Variants in RAPGEF4 observed in about 807,000 individuals in gnomAD.
RAPGEF4 encodes the protein Rap guanine nucleotide exchange factor 4.
Under a neutral mutation model 147.9 loss-of-function variants are expected in RAPGEF4, and 66 were observed. The ratio of observed to expected loss-of-function variants is 0.45; its 90% CI spans 0.37 to 0.55. The LOEUF is 0.55. RAPGEF4 is among the 20% of genes least tolerant of loss of function. RAPGEF4 has a pLI of 0.00. For missense variants in RAPGEF4, 1,071 were observed against 1,257.3 expected, an observed-to-expected ratio of 0.85 and a Z score of 2.24; for synonymous variants, 419 against 442.7, an observed-to-expected ratio of 0.95 and a Z score of 0.67.
intron 4 of RAPGEF4, among the ~76,000 whole-genome samples, chr2:172,876,841 T>A (rs1178547178): frequency 6.6e-6 from 1 of 152,228 alleles, no homozygotes; most frequent in Non-Finnish European, 1.5e-5. Context: ...CTCCTCCTTG[T>A]ATGGTAGAAT....
At chr2:172,959,108 T>C (rs1213188763) in intron 6 of RAPGEF4, among the ~76,000 whole-genome samples, 1 of 152,216 alleles carries the variant, frequency 6.6e-6, no homozygotes, top group African/African-American at 2.4e-5. Flanking sequence ...TTTCCATGAC[T>C]GCTATAACAA....
At chr2:173,002,621 C>T (rs201345457) in intron 17 of RAPGEF4, among the ~76,000 whole-genome samples, 10 of 138,924 alleles carry the variant, frequency 7.2e-5, no homozygotes, top group South Asian at 2.3e-4. Flanking sequence ...TTTATTCTTT[C>T]TTTTTTTTTT....
chr2:173,031,855 C>A (rs1486689638), intron 26 of RAPGEF4, among the ~76,000 whole-genome samples: 2 of 152,166 alleles, frequency 1.3e-5, no homozygotes, highest in Middle Eastern at 3.4e-3. Context: ...TTATATAATT[C>A]TGTATGGGAG....
Position 172,964,401 on chromosome 2 carries a change from AT to A in RAPGEF4, c.699-1138del, listed in dbSNP as rs11374637. ...TTAGAGGCCATCATTTGCTCCTCCTATTTTTTTTTTTTTTTTTTTTTTTACG... is the reference window on the plus strand; with the variant it reads ...TTAGAGGCCATCATTTGCTCCTCCTATTTTTTTTTTTTTTTTTTTTTTACG... On this transcript the variant is annotated intron_variant, in intron 8 of 30. Coordinates refer to ENST00000397081, the MANE Select transcript of RAPGEF4 (RefSeq NM_007023.4). Among the ~76,000 whole-genome samples, 538 of 115,140 alleles carry A rather than the reference AT, an allele frequency of 4.7e-3. 8 individuals carry two copies. Among genetic ancestry groups the A allele is most frequent in the African/African-American group, 0.016 (473 of 29,834 alleles). 75.5% of individuals were successfully genotyped at this position (115,140 alleles called of 152,430 possible).
Position 172,890,754 on chromosome 2 carries a change from G to T in RAPGEF4, c.445-27048G>T, listed in dbSNP as rs74399238. 1.2e-3 allele frequency among the ~76,000 whole-genome samples: 190 copies of T among 152,304 alleles called. 2 individuals are homozygous for T. Among genetic ancestry groups the T allele is most frequent in the Admixed American group, 8.6e-3 (132 of 15,302 alleles). ...TCCTAGACTGTGAAGGAAAGATCTT[G>T]TCAAATAATTTCTATTCTTTCACTG... On this transcript the variant is annotated intron_variant, in intron 4 of 30. Coordinates refer to ENST00000397081, the MANE Select transcript of RAPGEF4 (RefSeq NM_007023.4).
chr2:172,914,243 T>C (rs1343623706), intron 4 of RAPGEF4, among the ~76,000 whole-genome samples: 1 of 152,008 alleles, frequency 6.6e-6, no homozygotes, highest in African/African-American at 2.4e-5. Context: ...TGTGTTTGCA[T>C]ATGTATTCAG....
intron 4 of RAPGEF4, among the ~76,000 whole-genome samples, chr2:172,820,486 G>GT (rs1486837630): frequency 6.6e-6 from 1 of 152,220 alleles, no homozygotes; most frequent in Non-Finnish European, 1.5e-5. Flanking sequence ...TTTCTTAGCT[G>GT]TGATTGTTAT....
At chr2:172,935,166 G>C (rs963571237) in intron 6 of RAPGEF4, among the ~76,000 whole-genome samples, 2 of 152,168 alleles carry the variant, frequency 1.3e-5, no homozygotes, top group African/African-American at 4.8e-5. Flanking sequence ...GACAGAGCCA[G>C]ACCCTGTCTC....
At chr2:172,770,852 C>T (rs1208836747) in intron 1 of RAPGEF4, among the ~76,000 whole-genome samples, 1 of 152,110 alleles carries the variant, frequency 6.6e-6, no homozygotes, top group East Asian at 1.9e-4. Context: ...TTTGGATGGC[C>T]TGAGCTTCAA....
At chr2:173,010,642 C>G (rs1694912967) in intron 17 of RAPGEF4, among the ~76,000 whole-genome samples, 1 of 152,226 alleles carries the variant, frequency 6.6e-6, no homozygotes, top group Non-Finnish European at 1.5e-5. Context: ...TTTCCCCCTT[C>G]CTACCTTTTT....
At chr2:172,833,215 A>AC (rs1338176596) in intron 4 of RAPGEF4, among the ~76,000 whole-genome samples, 1 of 151,052 alleles carries the variant, frequency 6.6e-6, no homozygotes, top group East Asian at 1.9e-4. Context: ...GAAAAAAAAA[A>AC]AAAATCCAAA....
intron 4 of RAPGEF4, among the ~76,000 whole-genome samples, chr2:172,891,022 G>A (rs1031857617): frequency 5.6e-4 from 85 of 152,110 alleles, no homozygotes; most frequent in African/African-American, 1.7e-3. Context: ...TCCCAGCTAC[G>A]TGGGAGGCTG....
At chr2:173,023,965 C>T (rs1320057831) in intron 23 of RAPGEF4, among the ~76,000 whole-genome samples, 1 of 152,208 alleles carries the variant, frequency 6.6e-6, no homozygotes, top group African/African-American at 2.4e-5. Context: ...AATGTATAAG[C>T]TTCCCCAACT....
chr2:172,808,140 T>C (rs928532087), intron 3 of RAPGEF4, among the ~76,000 whole-genome samples: 2 of 152,268 alleles, frequency 1.3e-5, no homozygotes, highest in Admixed American at 1.3e-4. Context: ...GTCTTAGTTA[T>C]ATGACACATA....
At chr2:172,973,408 G>A (rs10202019) in intron 10 of RAPGEF4, among the ~76,000 whole-genome samples, 2 of 152,084 alleles carry the variant, frequency 1.3e-5, no homozygotes, top group African/African-American at 4.8e-5. Flanking sequence ...CCACTGGGCC[G>A]AGCACCTTTC....
chr2:172,950,758 G>A (rs1353755976), intron 6 of RAPGEF4, among the ~76,000 whole-genome samples: 1 of 152,224 alleles, frequency 6.6e-6, no homozygotes, highest in African/African-American at 2.4e-5. Context: ...GGACAATTGT[G>A]ATTGCACAAT....
intron 2 of RAPGEF4, among the ~76,000 whole-genome samples, chr2:172,796,613 C>G (rs565489204): frequency 6.6e-6 from 1 of 152,114 alleles, no homozygotes; most frequent in Non-Finnish European, 1.5e-5. Flanking sequence ...CCTTGAACTC[C>G]TAGGCTCAAG....
At chr2:172,782,395 C>T (rs2149513408) in intron 1 of RAPGEF4, among the ~76,000 whole-genome samples, 1 of 152,240 alleles carries the variant, frequency 6.6e-6, no homozygotes, top group Non-Finnish European at 1.5e-5. Flanking sequence ...TTCCTTTTTT[C>T]CATGTTCTTT....
chr2:172,959,357 C>T (rs1689057052), intron 6 of RAPGEF4, among the ~76,000 whole-genome samples: 1 of 152,210 alleles, frequency 6.6e-6, no homozygotes, highest in African/African-American at 2.4e-5. Flanking sequence ...TTCTCTGCTT[C>T]CCTCTTCCAT....
Sources: allele counts gnomAD v4.1 joint callset (sites outside exome capture counted in the v4.1 genomes callset), GRCh38; gene constraint gnomAD v4.1.1; transcripts MANE v1.5; gene names NCBI Gene and HGNC (gene_info 2026-07-23, HGNC 2026-07-21).